Variants in TRRAP observed in about 807,000 individuals in gnomAD.
TRRAP encodes transformation/transcription domain associated protein.
Under a neutral mutation model 438.8 loss-of-function variants are expected in TRRAP, and 41 were observed. The ratio of observed to expected loss-of-function variants is 0.09; its 90% confidence interval spans 0.07 to 0.12. The LOEUF (loss-of-function observed/expected upper bound fraction) is 0.12. Ranked by LOEUF, TRRAP falls within the 10% of genes least tolerant of loss-of-function variation. The pLI, the probability that TRRAP is intolerant of heterozygous loss-of-function variation, is 1.00. For synonymous variants in TRRAP, 1,994 were observed against 1,962.9 expected (o/e 1.02, Z -0.42); for missense variants, 3,122 against 5,055.1 (o/e 0.62, Z 11.60).
intron 67 of TRRAP, among the ~76,000 whole-genome samples, chr7:99,002,910 G>A (rs565080067): frequency 1.3e-5 from 2 of 152,314 alleles, no homozygotes; most frequent in African/African-American, 4.8e-5. Flanking sequence ...GCGCTGCCTC[G>A]TTTAATTTCA....
intron 64 of TRRAP, among the ~76,000 whole-genome samples, chr7:98,991,136 A>G (rs80343540): frequency 2.7e-4 from 41 of 152,318 alleles, no homozygotes; most frequent in African/African-American, 8.2e-4. Context: ...CCAGGGCCCT[A>G]TGGAAAGGCT....
chr7:98,999,241 C>A (rs943276877), intron 67 of TRRAP: 12 of 1,183,754 alleles, frequency 1.0e-5, no homozygotes, highest in Non-Finnish European at 1.5e-5. Flanking sequence ...TACATGCATT[C>A]ACTGCCCAGC....
At chr7:98,974,361 G>A (rs1001714261) in intron 53 of TRRAP, among the ~76,000 whole-genome samples, 1 of 152,170 alleles carries the variant, frequency 6.6e-6, no homozygotes, top group Admixed American at 6.5e-5. Context: ...TAGACTCTTG[G>A]ATTCTAAATG....
chr7:98,962,325 T>C lies in TRRAP; in HGVS notation c.6727T>C (p.Tyr2243His). The C allele has an allele frequency of 6.2e-7, 1 of 1,614,070 alleles. No homozygotes were observed. The change falls in exon 47 of 73, where the codon TAT becomes CAT. Residue 2243 changes from tyrosine (Y) to histidine (H), a missense_variant. Physicochemically the swap from Tyr to His is moderately conservative, Grantham distance 83 (BLOSUM62 2). This residue lies in a region of TRRAP where 992 missense variants were observed against 1,281.2 expected (regional missense o/e 0.77). Coordinates refer to ENST00000456197, the MANE Select transcript of TRRAP (RefSeq NM_001375524.1). ...EPSTSSVASK[Y>H]EELECLYAAV... Reference sequence around the variant, plus strand: ...AGGTACTTCCAGTGTGGCCTCCAAATATGAAGAGCTGGAGTGCCTCTACGC... The same window carrying C: ...AGGTACTTCCAGTGTGGCCTCCAAACATGAAGAGCTGGAGTGCCTCTACGC...
chr7:98,990,661 T>C (rs1793392352), intron 64 of TRRAP, 42 bp downstream of exon 64: 1 of 1,562,588 alleles, frequency 6.4e-7, no homozygotes, highest in Admixed American at 1.8e-5. Flanking sequence ...CACAAAACAT[T>C]GTGTCTTCAT....
chr7:98,901,195 G>T (rs1554406629), intron 11 of TRRAP, among the ~76,000 whole-genome samples: 1 of 152,270 alleles, frequency 6.6e-6, no homozygotes, highest in African/African-American at 2.4e-5. Flanking sequence ...TGAGATCAAG[G>T]TTCTGGTTTC....
At position 98,977,714 on chromosome 7, in the gene TRRAP, A is replaced by T. The variant is rs542822787; in HGVS notation, c.8386-497A>T. On this transcript the variant is annotated intron_variant, in intron 56 of 72. Coordinates refer to ENST00000456197, the MANE Select transcript of TRRAP (RefSeq NM_001375524.1). ...TCAGTGTGGCTCAGGCCACCATTTC[A>T]GGGTGCAATTCCTAGCACTGTGTAG... 5.9e-5 allele frequency among the ~76,000 whole-genome samples: 9 copies of T among 152,276 alleles called. No individual in the cohort carries two copies. The East Asian group carries it at 1.5e-3, about 26-fold the overall frequency.
intron 62 of TRRAP, among the ~76,000 whole-genome samples, chr7:98,986,908 T>C (rs1482007864): frequency 6.6e-6 from 1 of 152,222 alleles, no homozygotes; most frequent in Non-Finnish European, 1.5e-5. Context: ...TTTATTATGC[T>C]GCATGTGGAT....
intron 61 of TRRAP, among the ~76,000 whole-genome samples, 176 bp downstream of exon 61, chr7:98,984,534 A>G (rs1362166943): frequency 6.6e-6 from 1 of 152,192 alleles, no homozygotes; most frequent in Admixed American, 6.5e-5. Context: ...AAAGGAAGCT[A>G]CTTGACTGTG....
intron 52 of TRRAP, among the ~76,000 whole-genome samples, chr7:98,970,741 T>C (rs1792378626): frequency 6.6e-6 from 1 of 152,182 alleles, no homozygotes; most frequent in African/African-American, 2.4e-5. Context: ...GAAAAGCCCG[T>C]GTTCATTACA....
intron 70 of TRRAP, among the ~76,000 whole-genome samples, chr7:99,009,307 G>T (rs551727141): frequency 6.6e-6 from 1 of 152,178 alleles, no homozygotes; most frequent in African/African-American, 2.4e-5. Context: ...GACCACAGAG[G>T]TGGATGCTGT....
chr7:98,926,934 G>A (rs890226984), intron 22 of TRRAP, among the ~76,000 whole-genome samples: 24 of 152,106 alleles, frequency 1.6e-4, no homozygotes, highest in African/African-American at 4.1e-4. Context: ...CAGGAGAATC[G>A]CATGAACCTG....
At chr7:98,943,735 T>C (rs1790910675) in intron 31 of TRRAP, among the ~76,000 whole-genome samples, 1 of 152,246 alleles carries the variant, frequency 6.6e-6, no homozygotes, top group East Asian at 1.9e-4. Context: ...CAGTTTTTGT[T>C]TTTAACTTGC....
At chr7:99,003,249 G>A (rs1474283816) in intron 67 of TRRAP, among the ~76,000 whole-genome samples, 2 of 152,240 alleles carry the variant, frequency 1.3e-5, no homozygotes, top group African/African-American at 4.8e-5. Flanking sequence ...TTTAATATGA[G>A]TGGCCTGAGA....
intron 30 of TRRAP, among the ~76,000 whole-genome samples, chr7:98,942,286 C>CT (rs1790831219): frequency 6.6e-6 from 1 of 152,202 alleles, no homozygotes; most frequent in South Asian, 2.1e-4. Flanking sequence ...GGGTCCACAT[C>CT]TATCTCACCA....
chr7:98,953,107 C>A, intron 39 of TRRAP, 60 bp from the exon 40 acceptor site: 5 of 1,566,336 alleles, frequency 3.2e-6, no homozygotes, highest in Non-Finnish European at 4.3e-6. Flanking sequence ...TGTCGTATGA[C>A]CCTCAGTCAG....
chr7:98,887,733 A>AAC (rs1398172963), intron 3 of TRRAP, among the ~76,000 whole-genome samples: 1 of 139,964 alleles, frequency 7.1e-6, no homozygotes, highest in Non-Finnish European at 1.5e-5. Flanking sequence ...CCGTCTCAAA[A>AAC]AAAAAAAAAA....
chr7:98,946,060 A>C, intron 33 of TRRAP, 110 bp downstream of exon 33: 2 of 1,165,358 alleles, frequency 1.7e-6, no homozygotes, highest in Non-Finnish European at 2.2e-6. Context: ...TGTGCCCTTG[A>C]GTGCAGTGAC....
intron 48 of TRRAP, among the ~76,000 whole-genome samples, chr7:98,965,027 G>C (rs1404231230): frequency 6.6e-6 from 1 of 152,248 alleles, no homozygotes; most frequent in Non-Finnish European, 1.5e-5. Flanking sequence ...GAGGCAAGAG[G>C]ATTGCATGAG....
Sources: allele counts gnomAD v4.1 joint callset (sites outside exome capture counted in the v4.1 genomes callset), GRCh38; gene constraint gnomAD v4.1.1; regional missense constraint gnomAD v4.1.1; transcripts MANE v1.5; gene names NCBI Gene and HGNC (gene_info 2026-07-23, HGNC 2026-07-21).